HS3ST3B1: variants seen among roughly 807,000 people sequenced by gnomAD.
HS3ST3B1 encodes heparan sulfate glucosamine 3-O-sulfotransferase 3B1.
A neutral mutation model predicts 21.3 loss-of-function variants in HS3ST3B1; 13 were observed. The observed-to-expected ratio is 0.61, with a 90% CI of 0.40 to 0.97. HS3ST3B1 has a LOEUF of 0.97. Among genes scored for constraint, HS3ST3B1 ranks in the 50% least tolerant of loss-of-function variants. The pLI is 0.00. For synonymous variants in HS3ST3B1, 234 were observed against 254.8 expected (o/e 0.92, Z 0.78); for missense variants, 459 against 554.8 (o/e 0.83, Z 1.73).
intron 1 of HS3ST3B1, among the ~76,000 whole-genome samples, chr17:14,312,552 T>C (rs1020854772): frequency 1.3e-5 from 2 of 152,172 alleles, no homozygotes; most frequent in Non-Finnish European, 2.9e-5. Context: ...CTGATGTCCA[T>C]GTTGATGGTG....
At chr17:14,322,100 A>G (rs1386055921) in intron 1 of HS3ST3B1, among the ~76,000 whole-genome samples, 1 of 152,042 alleles carries the variant, frequency 6.6e-6, no homozygotes, top group Non-Finnish European at 1.5e-5. Flanking sequence ...CGGATAGGAA[A>G]AGAAGACAAA....
At chr17:14,312,165 C>G (rs1051689823) in intron 1 of HS3ST3B1, among the ~76,000 whole-genome samples, 1 of 152,064 alleles carries the variant, frequency 6.6e-6, no homozygotes, top group Non-Finnish European at 1.5e-5. Context: ...GTGGGCCAGG[C>G]GCTTACTTAA....
chr17:14,339,619 A>G (rs570198708), intron 1 of HS3ST3B1, among the ~76,000 whole-genome samples: 1 of 152,350 alleles, frequency 6.6e-6, no homozygotes, highest in Admixed American at 6.5e-5. Context: ...TGGAGATTAC[A>G]ATAACTACCA....
intron 1 of HS3ST3B1, among the ~76,000 whole-genome samples, chr17:14,338,452 T>C (rs1050974830): frequency 6.6e-6 from 1 of 151,120 alleles, no homozygotes; most frequent in Non-Finnish European, 1.5e-5. Context: ...TTGGTTTGTT[T>C]GTTTTTTGAG....
intron 1 of HS3ST3B1, among the ~76,000 whole-genome samples, chr17:14,325,517 C>G (rs1337634483): frequency 2.6e-5 from 4 of 152,104 alleles, no homozygotes; most frequent in Non-Finnish European, 4.4e-5. Context: ...GGTCAAGAAT[C>G]AAGAATTATA....
At chr17:14,325,825 C>T (rs1431796094) in intron 1 of HS3ST3B1, among the ~76,000 whole-genome samples, 1 of 152,232 alleles carries the variant, frequency 6.6e-6, no homozygotes, top group African/African-American at 2.4e-5. Flanking sequence ...CAACCTCCTA[C>T]ATTTTATGTG....
chr17:14,324,765 T>C (rs1025378355), intron 1 of HS3ST3B1, among the ~76,000 whole-genome samples: 4 of 152,040 alleles, frequency 2.6e-5, no homozygotes, highest in African/African-American at 9.7e-5. Flanking sequence ...AGGCACACCA[T>C]CACACCTGGC....
At chr17:14,334,956 C>T (rs532325593) in intron 1 of HS3ST3B1, among the ~76,000 whole-genome samples, 1 of 152,148 alleles carries the variant, frequency 6.6e-6, no homozygotes, top group Admixed American at 6.5e-5. Flanking sequence ...ACATGTTTTG[C>T]TTTGGAGTGG....
intron 1 of HS3ST3B1, among the ~76,000 whole-genome samples, chr17:14,313,093 GGTGT>G (rs1555548187): frequency 1.5e-5 from 1 of 68,088 alleles, no homozygotes; most frequent in Non-Finnish European, 2.9e-5. Context: ...GTGTGTGTGT[GGTGT>G]GTGTGTGTGT....
chr17:14,307,690 TG>T (rs1207491891), intron 1 of HS3ST3B1, among the ~76,000 whole-genome samples: 1 of 152,244 alleles, frequency 6.6e-6, no homozygotes, highest in Non-Finnish European at 1.5e-5. Context: ...GCTTGCCGAC[TG>T]GTTTCTATGT....
chr17:14,304,932 T>C (rs1438275348), intron 1 of HS3ST3B1: 2 of 152,186 alleles, frequency 1.3e-5, no homozygotes, highest in Non-Finnish European at 2.9e-5. Flanking sequence ...GTTTAATCGG[T>C]TGATACACAG....
chr17:14,305,701 C>G (rs567165956), intron 1 of HS3ST3B1, among the ~76,000 whole-genome samples: 1 of 152,236 alleles, frequency 6.6e-6, no homozygotes, highest in Admixed American at 6.5e-5. Context: ...ACAAAATAAG[C>G]TGACACGTTA....
At chr17:14,334,601 T>A (rs1396671639) in intron 1 of HS3ST3B1, among the ~76,000 whole-genome samples, 2 of 152,154 alleles carry the variant, frequency 1.3e-5, no homozygotes, top group African/African-American at 2.4e-5. Context: ...AGTGATACAA[T>A]AGATGAGCGT....
intron 1 of HS3ST3B1, among the ~76,000 whole-genome samples, chr17:14,312,806 C>CA (rs2082975294): frequency 6.6e-6 from 1 of 152,032 alleles, no homozygotes. Flanking sequence ...CTCTGTGGCC[C>CA]ATTGCTTCTG....
At chr17:14,313,674 G>T (rs1464725679) in intron 1 of HS3ST3B1, among the ~76,000 whole-genome samples, 1 of 152,004 alleles carries the variant, frequency 6.6e-6, no homozygotes, top group Non-Finnish European at 1.5e-5. Context: ...AGGTTCAAGT[G>T]ATTCTCCTGC....
chr17:14,336,142 C>A (rs1910180455), intron 1 of HS3ST3B1, among the ~76,000 whole-genome samples: 1 of 152,186 alleles, frequency 6.6e-6, no homozygotes, highest in Admixed American at 6.5e-5. Flanking sequence ...GAAGACTGGG[C>A]CTACCCCAAC....
At chr17:14,343,377 ATAT>A (rs1447087484) in intron 1 of HS3ST3B1, among the ~76,000 whole-genome samples, 1 of 152,218 alleles carries the variant, frequency 6.6e-6, no homozygotes. Context: ...AATACACAAC[ATAT>A]TATTATTAAC....
intron 1 of HS3ST3B1, among the ~76,000 whole-genome samples, chr17:14,312,149 A>C (rs921450213): frequency 6.6e-6 from 1 of 152,162 alleles, no homozygotes; most frequent in African/African-American, 2.4e-5. Context: ...TGCTGTGTGC[A>C]GGCGAGTGGG....
chr17:14,340,456 T>C (rs1910339620), intron 1 of HS3ST3B1, among the ~76,000 whole-genome samples: 1 of 152,160 alleles, frequency 6.6e-6, no homozygotes, highest in African/African-American at 2.4e-5. Context: ...CCATGCTGTA[T>C]TCCGAGTTGA....
Sources: allele counts gnomAD v4.1 joint callset (sites outside exome capture counted in the v4.1 genomes callset), GRCh38; gene constraint gnomAD v4.1.1; transcripts MANE v1.5; gene names NCBI Gene and HGNC (gene_info 2026-07-23, HGNC 2026-07-21).